Variants in ARFGEF2 observed in about 807,000 individuals in gnomAD.
ARFGEF2 encodes the protein ARF guanine nucleotide exchange factor 2.
A neutral mutation model predicts 219.9 loss-of-function variants in ARFGEF2; 74 were observed. The observed-to-expected ratio is 0.34, with a 90% CI of 0.28 to 0.41. ARFGEF2 has a LOEUF of 0.41. ARFGEF2 is among the 10% of genes least tolerant of loss of function. ARFGEF2 has a pLI of 1.00. For missense variants in ARFGEF2, 1,743 were observed against 2,218.3 expected, an observed-to-expected ratio of 0.79 and a Z score of 4.30; for synonymous variants, 733 against 799.2, an observed-to-expected ratio of 0.92 and a Z score of 1.40.
chr20:49,032,288 C>T, intron 38 of ARFGEF2, 122 bp downstream of exon 38: 1 of 767,442 alleles, frequency 1.3e-6, no homozygotes, highest in Non-Finnish European at 2.3e-6. Context: ...TGACTAGCAC[C>T]ATTCTAGATG....
chr20:49,025,514 A>T (rs1452266228), intron 36 of ARFGEF2, 33 bp downstream of exon 36: 1 of 1,612,382 alleles, frequency 6.2e-7, no homozygotes. Context: ...ATAGATGGCC[A>T]CACTGGTCAC....
intron 4 of ARFGEF2, 126 bp downstream of exon 4, chr20:48,951,595 G>A: frequency 7.8e-7 from 1 of 1,290,050 alleles, no homozygotes; most frequent in Non-Finnish European, 1.1e-6. Flanking sequence ...AAAGATTTAA[G>A]CGTCACTTAG....
At chr20:49,028,783 T>C (rs1271034796) in intron 37 of ARFGEF2, 115 bp downstream of exon 37, 4 of 1,213,328 alleles carry the variant, frequency 3.3e-6, no homozygotes. Context: ...CTGACAAATT[T>C]TTTTTTCTTT....
chr20:48,981,387 G>A (rs560087065), intron 14 of ARFGEF2, among the ~76,000 whole-genome samples: 10 of 152,250 alleles, frequency 6.6e-5, no homozygotes, highest in Admixed American at 2.6e-4. Flanking sequence ...TGGGTAACCC[G>A]ACCTTTCTCT....
At chr20:48,951,522 T>C (rs2091070995) in intron 4 of ARFGEF2, 53 bp downstream of exon 4, 1 of 1,610,914 alleles carries the variant, frequency 6.2e-7, no homozygotes, top group Non-Finnish European at 8.5e-7. Context: ...CAAGTCCCTG[T>C]GGGAATCTGG....
In ARFGEF2 at chr20:48,988,372, A is replaced by C. The variant is rs1227615565; in HGVS notation, c.2345A>C (p.Asp782Ala). ...TATTCAATTATTATGCTGACTACAG[A>C]CTTGCACAGTCCTCAGGTAAAGCAC... ...LAYSIIMLTT[D>A]LHSPQVKNKM... Residue 782 changes from aspartate (D) to alanine (A), a missense_variant, in exon 17 of 39, where the codon GAC (aspartate) becomes GCC (alanine). Physicochemically the swap from Asp to Ala is moderately radical, Grantham distance 126. Coordinates refer to ENST00000371917, the MANE Select transcript of ARFGEF2 (RefSeq NM_006420.3). The C allele has an allele frequency of 6.2e-7, 1 of 1,613,782 alleles. No individual in the cohort carries two copies. Among genetic ancestry groups the C allele is most frequent in the Non-Finnish European group, 8.5e-7 (1 of 1,179,978 alleles).
At chr20:49,030,277 A>C (rs534364600) in intron 37 of ARFGEF2, among the ~76,000 whole-genome samples, 16 of 151,926 alleles carry the variant, frequency 1.1e-4, no homozygotes, top group South Asian at 8.3e-4. Flanking sequence ...TTTTTACCCC[A>C]AAAAAAGCTG....
chr20:48,978,850 T>C (rs942549038), intron 14 of ARFGEF2, among the ~76,000 whole-genome samples: 19 of 152,238 alleles, frequency 1.2e-4, no homozygotes, highest in Non-Finnish European at 1.9e-4. Context: ...CTGAAGTTGC[T>C]TATCAGCTTA....
rs897114188 is a variant in ARFGEF2 at position 48,941,992 on chromosome 20, C to T, written c.276+5C>T. ...ACATCCCTTGACTGCTTGCAGGTAC[C>T]ATGTTTAAACTTCGTGTTGTCAAGG... On this transcript the variant is annotated splice_donor_5th_base_variant and intron_variant, in intron 3 of 38. Coordinates refer to ENST00000371917, the MANE Select transcript of ARFGEF2 (RefSeq NM_006420.3). 2 of 1,614,096 alleles carry T rather than the reference C, an allele frequency of 1.2e-6. No individual in the cohort carries two copies. Among genetic ancestry groups the T allele is most frequent in the Non-Finnish European group, 1.7e-6 (2 of 1,180,014 alleles).
chr20:48,945,912 G>A (rs2091023375), intron 3 of ARFGEF2, among the ~76,000 whole-genome samples: 2 of 152,166 alleles, frequency 1.3e-5, no homozygotes, highest in South Asian at 2.1e-4. Flanking sequence ...TCTCTGAGAT[G>A]TAATAGATTC....
At chr20:48,980,810 C>CT (rs1285144967) in intron 14 of ARFGEF2, among the ~76,000 whole-genome samples, 3 of 151,830 alleles carry the variant, frequency 2.0e-5, no homozygotes, top group African/African-American at 4.8e-5. Flanking sequence ...GCAACCCATG[C>CT]TTTTTTTTGC....
chr20:49,008,271 C>A (rs1381765535), intron 26 of ARFGEF2, among the ~76,000 whole-genome samples: 1 of 152,152 alleles, frequency 6.6e-6, no homozygotes, highest in East Asian at 1.9e-4. Context: ...TAAAAATGTT[C>A]ACAATGTTTG....
In ARFGEF2 at chr20:48,989,409, C is replaced by T. The variant is rs201685748; in HGVS notation, c.2658C>T (p.His886=). ...HAKAPFTSAT[H]LDHVRPMFKL... is the part of the protein sequence containing the mutation. ...AAGCCCCGTTTACCAGTGCCACTCA[C>T]CTGGACCATGTCCGGCCAATGTTCA... Residue 886 remains histidine (H), a synonymous_variant, in exon 19 of 39, where the codon CAC becomes CAT. Coordinates refer to ENST00000371917, the MANE Select transcript of ARFGEF2 (RefSeq NM_006420.3). 16 of 1,614,138 alleles carry T rather than the reference C, an allele frequency of 9.9e-6. No homozygotes were observed. Among genetic ancestry groups the T allele is most frequent in the Admixed American group, 1.7e-5 (1 of 60,004 alleles).
chr20:49,032,889 G>A (rs1568749178), intron 38 of ARFGEF2, 134 bp from the exon 39 acceptor site: 3 of 906,128 alleles, frequency 3.3e-6, no homozygotes, highest in South Asian at 1.5e-5. Context: ...CACTGCGCTC[G>A]GCCCCAACTT....
At chr20:49,023,212 C>A in intron 35 of ARFGEF2, 31 bp downstream of exon 35, 1 of 1,613,302 alleles carries the variant, frequency 6.2e-7, no homozygotes, top group Non-Finnish European at 8.5e-7. Context: ...GAAGAGCATC[C>A]CTGTCCATAG....
intron 1 of ARFGEF2, among the ~76,000 whole-genome samples, chr20:48,925,662 C>G (rs1034619343): frequency 6.6e-6 from 1 of 152,046 alleles, no homozygotes; most frequent in African/African-American, 2.4e-5. Flanking sequence ...ATGGCAAAAC[C>G]CCATCTCTAA....
At chr20:48,980,499 C>T (rs543309019) in intron 14 of ARFGEF2, among the ~76,000 whole-genome samples, 2 of 152,146 alleles carry the variant, frequency 1.3e-5, no homozygotes, top group African/African-American at 4.8e-5. Context: ...CTATTAGGTC[C>T]ACTTGGTGCA....
chr20:49,008,033 A>G (rs1050043059), intron 26 of ARFGEF2, among the ~76,000 whole-genome samples: 4 of 152,172 alleles, frequency 2.6e-5, no homozygotes, highest in African/African-American at 9.7e-5. Flanking sequence ...CTTAACTGTA[A>G]CATTTCTAAA....
At position 48,921,837 on chromosome 20, in the gene ARFGEF2, TC is replaced by T; in HGVS notation, c.-52del. 5 of 1,456,526 alleles carry T rather than the reference TC, an allele frequency of 3.4e-6. No individual in the cohort carries two copies. The highest frequency in any genetic ancestry group is 3.6e-6 in the Non-Finnish European group (4 of 1,096,414). The allele number at this position is 1,456,526 out of a possible 1,614,324, so 90.2% of individuals were successfully genotyped here. On this transcript the variant is annotated 5_prime_UTR_variant, in exon 1 of 39. Transcript: ENST00000371917. ...GCCGGGCCCGCAGCCTAGCTCGCCA[TC>T]TCGCTCACGCCGCCCGCCCGCGGGG... is the stretch of plus-strand genomic sequence containing the variant.
Sources: allele counts gnomAD v4.1 joint callset (sites outside exome capture counted in the v4.1 genomes callset), GRCh38; gene constraint gnomAD v4.1.1; transcripts MANE v1.5; gene names NCBI Gene and HGNC (gene_info 2026-07-23, HGNC 2026-07-21).